The following SHANK2 variants were observed in gnomAD, a reference collection of about 807,000 sequenced individuals.
SHANK2 encodes the protein SH3 and multiple ankyrin repeat domains protein 2.
A neutral mutation model predicts 133.7 loss-of-function variants in SHANK2; 43 were observed. That is an observed-to-expected ratio of 0.32 (90% CI 0.25 to 0.41). The LOEUF (loss-of-function observed/expected upper bound fraction) is 0.41, where lower values mean the gene tolerates loss of function less well. Among genes scored for constraint, SHANK2 ranks in the 10% least tolerant of loss-of-function variants. The pLI, the probability that SHANK2 is intolerant of heterozygous loss-of-function variation, is 1.00. For synonymous variants in SHANK2, 1,017 were observed against 952.8 expected, an observed-to-expected ratio of 1.07 and a Z score of -1.24; for missense variants, 1,994 against 2,235.8, an observed-to-expected ratio of 0.89 and a Z score of 2.18.
chr11:70,621,461 C>T (rs2060827932), intron 17 of SHANK2, among the ~76,000 whole-genome samples: 2 of 152,200 alleles, frequency 1.3e-5, no homozygotes, highest in South Asian at 4.1e-4. Flanking sequence ...CTGCCTCTGC[C>T]CCACCACACT....
chr11:70,529,253 C>T (rs1554972728), intron 17 of SHANK2, among the ~76,000 whole-genome samples: 1 of 152,246 alleles, frequency 6.6e-6, no homozygotes, highest in Non-Finnish European at 1.5e-5. Context: ...TGCAGAATCT[C>T]ACCCAGTCCT....
In SHANK2 at chr11:71,171,973, C is replaced by T. The variant is rs142130539; in HGVS notation, c.-12-24635G>A. Among the ~76,000 whole-genome samples the T allele has an allele frequency of 7.6e-3, 1,164 of 152,212 alleles. 12 individuals are homozygous for T. Among genetic ancestry groups the T allele is most frequent in the Non-Finnish European group, 9.6e-3 (650 of 67,998 alleles). On this transcript the variant is annotated intron_variant, in intron 2 of 25. Coordinates refer to ENST00000601538, the MANE Select transcript of SHANK2 (RefSeq NM_012309.5). The stretch of plus-strand genomic sequence containing the variant: ...GAAGGCCCAGCTCTGGTCCTGAGAC[C>T]CTGGGCCTGGGAGGCCTCCTTGGGG...
Position 71,252,022 on chromosome 11 carries a change from G to C in SHANK2, c.-113+403C>G, listed in dbSNP as rs1948191845. On this transcript the variant is annotated intron_variant, in intron 1 of 25. Transcript: ENST00000601538. This position sits in a 1 kb window ranked among gnomAD's most constrained non-coding sequence, Gnocchi z 6.3. The stretch of plus-strand genomic sequence containing the variant: ...CGGTGACCCGGGGCAAGGAGACCCC[G>C]GGAGAGCGGGGGAGGTCGCGCCACA... Among the ~76,000 whole-genome samples the C allele has an allele frequency of 6.6e-6, 1 of 152,286 alleles. No homozygotes were observed. Among genetic ancestry groups the C allele is most frequent in the East Asian group, 1.9e-4 (1 of 5,144 alleles).
intron 13 of SHANK2, among the ~76,000 whole-genome samples, chr11:70,806,665 G>A (rs1423319674): frequency 6.6e-6 from 1 of 152,122 alleles, no homozygotes; most frequent in African/African-American, 2.4e-5. Flanking sequence ...CCCATGCCAG[G>A]GCCCACCCCG....
chr11:70,675,398 G>A (rs1555016995), intron 15 of SHANK2, among the ~76,000 whole-genome samples: 1 of 152,170 alleles, frequency 6.6e-6, no homozygotes, highest in Non-Finnish European at 1.5e-5. Context: ...CTTTACAGGG[G>A]AGCAAATAAA....
chr11:70,747,911 G>A (rs868993044), intron 14 of SHANK2, among the ~76,000 whole-genome samples: 2 of 152,316 alleles, frequency 1.3e-5, no homozygotes, highest in African/African-American at 4.8e-5. Flanking sequence ...ATGAGCATAC[G>A]TGTATGTGCA....
chr11:71,144,505 C>T (rs1952610371), intron 3 of SHANK2, among the ~76,000 whole-genome samples: 1 of 152,172 alleles, frequency 6.6e-6, no homozygotes, highest in South Asian at 2.1e-4. Flanking sequence ...TGGATCAGAA[C>T]TTCCCTCCTG....
intron 10 of SHANK2, among the ~76,000 whole-genome samples, chr11:70,898,280 A>ATG (rs1555076067): frequency 9.0e-6 from 1 of 110,910 alleles, no homozygotes; most frequent in East Asian, 2.5e-4. Flanking sequence ...ATATACACAC[A>ATG]CGCACACACA....
intron 11 of SHANK2, among the ~76,000 whole-genome samples, chr11:70,824,043 A>T (rs1301167359): frequency 7.7e-6 from 1 of 129,934 alleles, no homozygotes; most frequent in African/African-American, 2.9e-5. Context: ...ATTGAAGACA[A>T]AGATGGCATT....
intron 6 of SHANK2, among the ~76,000 whole-genome samples, chr11:71,104,729 A>G (rs1015958066): frequency 6.6e-6 from 1 of 151,832 alleles, no homozygotes; most frequent in African/African-American, 2.4e-5. Flanking sequence ...CTGGGTCCCC[A>G]CTTCCCTGCC....
chr11:71,153,780 G>A (rs1555108559), intron 2 of SHANK2, among the ~76,000 whole-genome samples: 3 of 152,126 alleles, frequency 2.0e-5, no homozygotes, highest in Admixed American at 1.3e-4. Flanking sequence ...AGACCAGCCG[G>A]TCAACATGGT....
At chr11:70,868,122 A>G (rs1464632993) in intron 11 of SHANK2, among the ~76,000 whole-genome samples, 1 of 152,248 alleles carries the variant, frequency 6.6e-6, no homozygotes, top group Non-Finnish European at 1.5e-5. Flanking sequence ...AATTGAAGAC[A>G]CAAATATGAA....
intron 10 of SHANK2, among the ~76,000 whole-genome samples, chr11:70,901,509 A>G (rs1950022781): frequency 6.6e-6 from 1 of 152,214 alleles, no homozygotes; most frequent in Non-Finnish European, 1.5e-5. Context: ...TGAAGAAATG[A>G]GAACTCTGCT....
intron 14 of SHANK2, among the ~76,000 whole-genome samples, chr11:70,792,116 C>T (rs781974141): frequency 6.6e-6 from 1 of 152,134 alleles, no homozygotes; most frequent in African/African-American, 2.4e-5. Flanking sequence ...ACCAACCAAC[C>T]AACCAACCAA....
At position 70,788,634 on chromosome 11, in the gene SHANK2, GC is replaced by G. The variant is rs527895732; in HGVS notation, c.1777+9808del. Among the ~76,000 whole-genome samples, 25 of 152,272 alleles carry G rather than the reference GC, an allele frequency of 1.6e-4. No individual in the cohort carries two copies. The East Asian group carries it at 4.8e-3, about 29-fold the overall frequency. On this transcript the variant is annotated intron_variant, in intron 14 of 25. Coordinates refer to ENST00000601538, the MANE Select transcript of SHANK2 (RefSeq NM_012309.5). ...CACCCAATGGGGGTCTTGGGAGGTA[GC>G]CCCTGAAGATAACAGGGGACTGCTG...
chr11:71,204,232 T>C (rs1954081554), intron 2 of SHANK2, among the ~76,000 whole-genome samples: 1 of 139,324 alleles, frequency 7.2e-6, no homozygotes, highest in Non-Finnish European at 1.5e-5. Context: ...AAGATGTAAA[T>C]CCAAAAAAAA....
intron 1 of SHANK2, among the ~76,000 whole-genome samples, chr11:71,234,467 G>A (rs1954798716): frequency 6.6e-6 from 1 of 152,148 alleles, no homozygotes; most frequent in African/African-American, 2.4e-5. Flanking sequence ...TCTTACAGAG[G>A]TGGAAACCAT....
chr11:71,211,379 AACATAAAAATTAG>A (rs1954277755), intron 2 of SHANK2, among the ~76,000 whole-genome samples: 1 of 151,642 alleles, frequency 6.6e-6, no homozygotes, highest in African/African-American at 2.4e-5. Flanking sequence ...TCTCTACAAA[AACATAAAAATTAG>A]CCAGGCATGG....
Position 71,223,733 on chromosome 11 carries a change from G to A in SHANK2, c.-13+964C>T, listed in dbSNP as rs556635609. Among the ~76,000 whole-genome samples the A allele has an allele frequency of 2.6e-5, 4 of 152,256 alleles. No homozygotes were observed. In the South Asian group the frequency reaches 6.2e-4, roughly 24 times the overall value. On this transcript the variant is annotated intron_variant, in intron 2 of 25. Transcript: ENST00000601538. ...ACACAATTAGGAAAGTATATCTGAC[G>A]CAGCTTCTTGGGCAGGCCCGTGCAG...
Sources: allele counts gnomAD v4.1 joint callset (sites outside exome capture counted in the v4.1 genomes callset), GRCh38; gene constraint gnomAD v4.1.1; non-coding constraint Gnocchi (gnomAD v3.1); transcripts MANE v1.5; gene names NCBI Gene and HGNC (gene_info 2026-07-23, HGNC 2026-07-21).